The following IFT56 variants were observed in gnomAD, a reference collection of about 807,000 sequenced individuals.
IFT56 encodes the protein intraflagellar transport protein 56.
At chr7:139,165,382 A>G in the IFT56 span, 2 of 569,592 alleles carry the variant, frequency 3.5e-6, no homozygotes, top group South Asian at 2.4e-5. Flanking sequence ...ATTGGTGGTT[A>G]TTTGTTGTGC....
At chr7:139,186,953 G>T in the IFT56 span, among the ~76,000 whole-genome samples, 1 of 150,576 alleles carries the variant, frequency 6.6e-6, no homozygotes, top group Non-Finnish European at 1.5e-5. Flanking sequence ...AATTAGCCGG[G>T]CGCGGTGGCG....
the IFT56 span, among the ~76,000 whole-genome samples, chr7:139,163,135 G>C: frequency 6.6e-6 from 1 of 151,966 alleles, no homozygotes; most frequent in Admixed American, 6.6e-5. Context: ...ACGAGGTCAG[G>C]AGATCGAGAC....
chr7:139,183,049 C>G, the IFT56 span, among the ~76,000 whole-genome samples: 1 of 151,566 alleles, frequency 6.6e-6, no homozygotes, highest in Admixed American at 6.6e-5. Context: ...TTTGGAATTG[C>G]GGGGGATGGG....
chr7:139,149,934 CATAG>C, the IFT56 span, among the ~76,000 whole-genome samples: 3 of 151,824 alleles, frequency 2.0e-5, no homozygotes, highest in Non-Finnish European at 2.9e-5. Flanking sequence ...TAGATACATA[CATAG>C]ATATAGAATA....
At chr7:139,137,704 T>C in the IFT56 span, 11 of 589,114 alleles carry the variant, frequency 1.9e-5, no homozygotes, top group East Asian at 3.1e-4. Context: ...GTCCTGTAGG[T>C]ATAGGTTTAA....
chr7:139,143,635 AT>A, the IFT56 span, among the ~76,000 whole-genome samples: 2 of 151,956 alleles, frequency 1.3e-5, no homozygotes, highest in Non-Finnish European at 1.5e-5. Flanking sequence ...TAAAATCTTT[AT>A]TAAAAAAAAA....
chr7:139,149,325 C>T, the IFT56 span, among the ~76,000 whole-genome samples: 1 of 151,584 alleles, frequency 6.6e-6, no homozygotes, highest in African/African-American at 2.4e-5. Flanking sequence ...AAAAAAGAAC[C>T]CTGGCATATC....
the IFT56 span, among the ~76,000 whole-genome samples, chr7:139,160,318 G>C: frequency 6.6e-6 from 1 of 152,088 alleles, no homozygotes; most frequent in African/African-American, 2.4e-5. Flanking sequence ...GTTGTTTAAG[G>C]CTTAGTTCGT....
chr7:139,147,098 A>C, the IFT56 span: 3 of 1,606,922 alleles, frequency 1.9e-6, no homozygotes, highest in Non-Finnish European at 2.5e-6. Flanking sequence ...TTCTCTAACA[A>C]CACTAATATG....
the IFT56 span, chr7:139,166,785 C>A: frequency 1.0e-6 from 1 of 1,002,166 alleles, no homozygotes; most frequent in Non-Finnish European, 1.6e-6. Context: ...GGGAGGACTG[C>A]TTCAGGAGGG....
the IFT56 span, chr7:139,142,168 G>A: frequency 2.9e-6 from 4 of 1,390,192 alleles, no homozygotes; most frequent in Non-Finnish European, 4.1e-6. Context: ...GTAAGGTTTG[G>A]GAAGATTCAT....
At chr7:139,160,018 T>C in the IFT56 span, among the ~76,000 whole-genome samples, 2 of 152,264 alleles carry the variant, frequency 1.3e-5, no homozygotes, top group South Asian at 2.1e-4. Flanking sequence ...TTATAGAGTA[T>C]AAAAGGGATC....
chr7:139,147,163 T>C, the IFT56 span: 13 of 1,612,858 alleles, frequency 8.1e-6, no homozygotes, highest in Non-Finnish European at 1.1e-5. Context: ...TGAGAAAAAA[T>C]TGATGAGCTT....
chr7:139,173,469 T>C, the IFT56 span: 2 of 655,308 alleles, frequency 3.1e-6, no homozygotes. Context: ...CCTCAGGTGA[T>C]CCACTCACCT....
the IFT56 span, among the ~76,000 whole-genome samples, chr7:139,147,817 C>T: frequency 6.6e-5 from 10 of 152,114 alleles, no homozygotes; most frequent in African/African-American, 2.4e-4. Context: ...CCAAAAATAT[C>T]TCATCCCCCT....
the IFT56 span, among the ~76,000 whole-genome samples, chr7:139,141,445 T>C: frequency 6.6e-6 from 1 of 152,156 alleles, no homozygotes; most frequent in East Asian, 1.9e-4. Context: ...CTTTCTTGAT[T>C]TGTACCCAAA....
the IFT56 span, chr7:139,140,073 A>C: frequency 9.4e-7 from 1 of 1,060,210 alleles, no homozygotes; most frequent in Non-Finnish European, 1.4e-6. Flanking sequence ...TTTAAAACTT[A>C]ATTGTATTCC....
the IFT56 span, among the ~76,000 whole-genome samples, chr7:139,170,183 A>T: frequency 1.3e-5 from 2 of 152,208 alleles, no homozygotes; most frequent in Non-Finnish European, 2.9e-5. Flanking sequence ...AACCTGAGCA[A>T]ACCAATAACA....
chr7:139,148,384 A>C, the IFT56 span: 1 of 1,601,858 alleles, frequency 6.2e-7, no homozygotes, highest in Non-Finnish European at 8.5e-7. Context: ...TGAGGTATTG[A>C]TGGAAGTGTG....
Sources: gnomAD v4.1 joint callset for allele counts (sites outside exome capture counted in the v4.1 genomes callset) on GRCh38, gnomAD v4.1.1 for gene constraint, MANE v1.5 for transcripts, NCBI Gene and HGNC (gene_info 2026-07-23, HGNC 2026-07-21) for gene names.